The following FSTL5 variants were observed in gnomAD, a reference collection of about 807,000 sequenced individuals.
The protein encoded by FSTL5 is follistatin-related protein 5.
In FSTL5, 62 loss-of-function variants were observed where a neutral mutation model predicts 89.1. That is an observed-to-expected ratio of 0.70 (90% CI 0.57 to 0.86). The LOEUF (loss-of-function observed/expected upper bound fraction) is 0.86. Among genes scored for constraint, FSTL5 ranks in the 40% least tolerant of loss-of-function variants. The pLI, the probability that FSTL5 is intolerant of heterozygous loss-of-function variation, is 0.00. For synonymous variants in FSTL5, 383 were observed against 346.2 expected (o/e 1.11, Z -1.18); for missense variants, 1,057 against 1,001.6 (o/e 1.06, Z -0.75).
At chr4:161,976,776 T>C (rs1033664923) in intron 3 of FSTL5, among the ~76,000 whole-genome samples, 8 of 152,036 alleles carry the variant, frequency 5.3e-5, no homozygotes, top group African/African-American at 1.9e-4. Context: ...CCATCGCGCC[T>C]GGCCAGGTGC....
intron 1 of FSTL5, among the ~76,000 whole-genome samples, chr4:162,133,424 G>C (rs1732400347): frequency 6.6e-6 from 1 of 152,148 alleles, no homozygotes; most frequent in Non-Finnish European, 1.5e-5. Context: ...AGCACACCAG[G>C]TAGGAGAGGC....
At chr4:161,820,288 A>C (rs1202195473) in intron 4 of FSTL5, among the ~76,000 whole-genome samples, 5 of 152,190 alleles carry the variant, frequency 3.3e-5, no homozygotes, top group Admixed American at 6.5e-5. Flanking sequence ...ACAAATGGAA[A>C]CAATGAGGGG....
At chr4:161,619,176 T>A (rs556951833) in intron 7 of FSTL5, among the ~76,000 whole-genome samples, 1 of 152,120 alleles carries the variant, frequency 6.6e-6, no homozygotes, top group Non-Finnish European at 1.5e-5. Flanking sequence ...TTACACCTTA[T>A]ACAAAAATTA....
intron 6 of FSTL5, among the ~76,000 whole-genome samples, chr4:161,717,530 C>T (rs190517069): frequency 5.8e-4 from 88 of 152,266 alleles, no homozygotes; most frequent in Admixed American, 2.0e-3. Flanking sequence ...CACATCCAAA[C>T]TCCAGTAGGG....
At chr4:161,947,728 T>C (rs1734774887) in intron 3 of FSTL5, among the ~76,000 whole-genome samples, 1 of 152,136 alleles carries the variant, frequency 6.6e-6, no homozygotes, top group South Asian at 2.1e-4. Context: ...ATTTCCACGT[T>C]TTTTAGAATC....
chr4:161,517,314 T>C (rs1312133653), intron 10 of FSTL5, among the ~76,000 whole-genome samples: 1 of 152,198 alleles, frequency 6.6e-6, no homozygotes, highest in Non-Finnish European at 1.5e-5. Flanking sequence ...ATAAAAATTA[T>C]CTGCTTTGAT....
chr4:161,643,499 T>G (rs1736038443), intron 7 of FSTL5, among the ~76,000 whole-genome samples: 1 of 152,094 alleles, frequency 6.6e-6, no homozygotes, highest in Non-Finnish European at 1.5e-5. Context: ...TTTCAGTCAG[T>G]AAGATTTTGA....
chr4:162,104,215 G>C (rs1021713893), intron 2 of FSTL5, among the ~76,000 whole-genome samples: 2 of 152,208 alleles, frequency 1.3e-5, no homozygotes, highest in Non-Finnish European at 2.9e-5. Flanking sequence ...GTTCCTGCAC[G>C]GCTAAGTGCC....
intron 3 of FSTL5, among the ~76,000 whole-genome samples, chr4:161,959,135 C>T (rs1735104027): frequency 6.6e-6 from 1 of 152,024 alleles, no homozygotes; most frequent in Non-Finnish European, 1.5e-5. Flanking sequence ...CTTATCCTGA[C>T]ATTTTAGTTG....
rs75505601 is a variant in FSTL5 at position 161,418,287 on chromosome 4, A to T, written c.1842-31838T>A. The stretch of plus-strand genomic sequence containing the variant: ...TCCGCCATGACCCTGAACTTGAATT[A>T]GTGCGTTAGAAAATAAATAAATGAA... On this transcript the variant is annotated intron_variant, in intron 15 of 15. Coordinates refer to ENST00000306100, the MANE Select transcript of FSTL5 (RefSeq NM_020116.5). Among the ~76,000 whole-genome samples, 962 of 152,318 alleles carry T rather than the reference A, an allele frequency of 6.3e-3. 12 individuals are homozygous for T. Among genetic ancestry groups the T allele is most frequent in the African/African-American group, 0.022 (935 of 41,564 alleles).
chr4:162,019,784 G>T (rs1490224094), intron 3 of FSTL5, among the ~76,000 whole-genome samples: 2 of 151,112 alleles, frequency 1.3e-5, no homozygotes, highest in African/African-American at 4.9e-5. Context: ...GTGTGTGTGT[G>T]TGTGTGTATG....
At chr4:161,503,262 T>C (rs966988337) in intron 11 of FSTL5, among the ~76,000 whole-genome samples, 1 of 151,660 alleles carries the variant, frequency 6.6e-6, no homozygotes, top group Non-Finnish European at 1.5e-5. Flanking sequence ...TTATTTATGT[T>C]TTGCAGGTAT....
At chr4:161,865,939 A>G (rs1211263261) in intron 4 of FSTL5, among the ~76,000 whole-genome samples, 1 of 152,196 alleles carries the variant, frequency 6.6e-6, no homozygotes. Context: ...ATTATCCTAC[A>G]CAAAATGTAC....
At chr4:161,864,136 C>T (rs530455121) in intron 4 of FSTL5, among the ~76,000 whole-genome samples, 15 of 152,096 alleles carry the variant, frequency 9.9e-5, no homozygotes, top group Non-Finnish European at 2.2e-4. Flanking sequence ...CAAGCTCCAT[C>T]CTGAAATACT....
chr4:161,864,026 C>A (rs1313914365), intron 4 of FSTL5, among the ~76,000 whole-genome samples: 1 of 152,160 alleles, frequency 6.6e-6, no homozygotes, highest in Non-Finnish European at 1.5e-5. Context: ...CCCCATAAAG[C>A]TCCAAGAGTA....
intron 1 of FSTL5, among the ~76,000 whole-genome samples, chr4:162,155,556 T>A (rs1307982882): frequency 6.6e-6 from 1 of 152,220 alleles, no homozygotes; most frequent in African/African-American, 2.4e-5. Flanking sequence ...AAAACATACA[T>A]ATGTTTTAAA....
intron 7 of FSTL5, among the ~76,000 whole-genome samples, chr4:161,613,448 CAAAAAAAA>C (rs557598699): frequency 9.1e-6 from 1 of 109,562 alleles, no homozygotes; most frequent in African/African-American, 3.4e-5. Context: ...GTCTCCGTTT[CAAAAAAAA>C]AAAAAAATGA....
At chr4:161,593,125 A>G (rs1368812709) in intron 7 of FSTL5, among the ~76,000 whole-genome samples, 1 of 152,050 alleles carries the variant, frequency 6.6e-6, no homozygotes, top group Non-Finnish European at 1.5e-5. Flanking sequence ...TCTTAATTTT[A>G]TATACAATAT....
chr4:161,718,100 A>AT (rs34071717), intron 6 of FSTL5, among the ~76,000 whole-genome samples: 16,799 of 152,154 alleles, frequency 0.11, 939 homozygotes, highest in Middle Eastern at 0.17. Context: ...TTATTTGTAA[A>AT]AATATAAATT....
Sources: allele counts gnomAD v4.1 joint callset (sites outside exome capture counted in the v4.1 genomes callset), GRCh38; gene constraint gnomAD v4.1.1; transcripts MANE v1.5; gene names NCBI Gene and HGNC (gene_info 2026-07-23, HGNC 2026-07-21).